Variants in VAX1 observed in about 807,000 individuals in gnomAD.
VAX1 encodes the protein ventral anterior homeobox 1.
Under a neutral mutation model 17.6 loss-of-function variants are expected in VAX1, and 6 were observed. The observed-to-expected ratio is 0.34, with a 90% confidence interval of 0.19 to 0.67. The LOEUF is 0.67. VAX1 is among the 30% of genes least tolerant of loss of function. VAX1 has a pLI of 0.69. For missense variants in VAX1, 408 were observed against 463.7 expected (o/e 0.88, Z 1.10); for synonymous variants, 256 against 227.4 (o/e 1.13, Z -1.13).
At chr10:117,129,788 A>G (rs1270539408), downstream of VAX1, 1 of 152,112 alleles carries the variant, frequency 6.6e-6, no homozygotes, top group African/African-American at 2.4e-5. Flanking sequence ...GTGTAAGACC[A>G]AAGAGTGTAA....
downstream of VAX1, chr10:117,132,113 A>G: frequency 7.7e-7 from 1 of 1,301,670 alleles, no homozygotes; most frequent in Non-Finnish European, 1.1e-6. The surrounding 1 kb of genome is among the most constrained non-coding windows in gnomAD (Gnocchi z 4.9). Context: ...GAAGTGGAAC[A>G]AATCGTCGTA....
rs1354647909 is a variant in VAX1 at position 117,133,665 on chromosome 10, T to G, written c.*343A>C. On this transcript the variant is annotated 3_prime_UTR_variant, in exon 3 of 3. Transcript: ENST00000369206. ...AGCAGCCGCGGATCTAGAGCAAACG[T>G]CCTGTGCTTTGGAGTTAGAACCAGT... 4.9e-6 allele frequency: 5 copies of G among 1,026,358 alleles called. No homozygotes were observed. The highest frequency in any genetic ancestry group is 4.3e-5 in the South Asian group (1 of 23,528). 63.6% of individuals were successfully genotyped at this position (1,026,358 alleles called of 1,614,324 possible). A position where few individuals can be genotyped will look rare whatever the true frequency, so the allele number is the denominator to read the frequency against.
chr10:117,132,551 TA>T, downstream of VAX1: 2 of 1,531,482 alleles, frequency 1.3e-6, no homozygotes, highest in Admixed American at 1.9e-5. This position sits in a 1 kb window ranked among gnomAD's most constrained non-coding sequence, Gnocchi z 4.9. Context: ...ATTACTATTT[TA>T]AAAAAGTGTT....
At position 117,136,950 on chromosome 10, in the gene VAX1, T is replaced by TG. The variant is rs991525399; in HGVS notation, c.242-292dup. On this transcript the variant is annotated intron_variant, in intron 1 of 2. Transcript: ENST00000369206. The surrounding 1 kb of genome is among the most constrained non-coding windows in gnomAD (Gnocchi z 5.0). ...ACATAGGCGGACGTTTCTTCCGGCC[T>TG]GGGGGGGCCTCGGCTGAGCCTTCCG... is the stretch of plus-strand genomic sequence containing the variant. 4.1e-4 allele frequency among the ~76,000 whole-genome samples: 62 copies of TG among 152,176 alleles called. No individual in the cohort carries two copies. Among genetic ancestry groups the TG allele is most frequent in the Admixed American group, 2.4e-3 (36 of 15,290 alleles).
chr10:117,133,047 T>G (rs1854113192), downstream of VAX1, among the ~76,000 whole-genome samples: 1 of 152,234 alleles, frequency 6.6e-6, no homozygotes, highest in Non-Finnish European at 1.5e-5. Context: ...GCTTTGCTCT[T>G]TCCTGGAGGA....
chr10:117,131,635 C>G (rs1020729362), downstream of VAX1: 7 of 152,462 alleles, frequency 4.6e-5, no homozygotes, highest in African/African-American at 1.2e-4. Context: ...GGGGCCGCTG[C>G]CCCCGCAGCG....
downstream of VAX1, chr10:117,132,291 TG>T (rs1243849945): frequency 1.2e-6 from 2 of 1,613,990 alleles, no homozygotes; most frequent in South Asian, 1.1e-5. This position sits in a 1 kb window ranked among gnomAD's most constrained non-coding sequence, Gnocchi z 4.9. Flanking sequence ...TTTCTTCTTT[TG>T]TTTTTTTATC....
At chr10:117,128,843 C>T (rs974805785), downstream of VAX1, 1 of 152,214 alleles carries the variant, frequency 6.6e-6, no homozygotes, top group African/African-American at 2.4e-5. Context: ...TCTCCTCCTC[C>T]TTTCCCCAAA....
At chr10:117,131,141 A>C (rs2133656838), downstream of VAX1, 1 of 153,248 alleles carries the variant, frequency 6.5e-6, no homozygotes, top group Non-Finnish European at 1.5e-5. Context: ...GGAGAAAAAA[A>C]CCAGAAAACC....
intron 2 of VAX1, among the ~76,000 whole-genome samples, chr10:117,135,613 C>T (rs1285495381): frequency 6.6e-6 from 1 of 152,230 alleles, no homozygotes; most frequent in African/African-American, 2.4e-5. Flanking sequence ...AAATGCTCTC[C>T]ACCTGCTTCA....
At position 117,138,110 on chromosome 10, in the gene VAX1, AGG is replaced by A. The variant is rs1443317614; in HGVS notation, c.-56_-55del. The stretch of plus-strand genomic sequence containing the variant: ...GAAAAAAAAAGCAAAAAAAAAAAAA[AGG>A]GGGGGGGGCGGAGAAGGAAAAAAAA... On this transcript the variant is annotated 5_prime_UTR_variant, in exon 1 of 3. Transcript: ENST00000369206. 7 of 123,464 alleles carry A rather than the reference AGG, an allele frequency of 5.7e-5. No homozygotes were observed. The highest frequency in any genetic ancestry group is 9.0e-5 in the South Asian group (2 of 22,286). The allele number at this position is 123,464 out of a possible 1,614,324, so 7.6% of individuals were successfully genotyped here. A position where few individuals can be genotyped will look rare whatever the true frequency, so the allele number is the denominator to read the frequency against.
At position 117,136,532 on chromosome 10, in the gene VAX1, C is replaced by G; in HGVS notation, c.369G>C (p.Gln123His). Residue 123 changes from glutamine to histidine, a missense_variant, in exon 2 of 3, where the codon CAG (glutamine) becomes CAC (histidine). This residue lies in a region of VAX1 where 75 missense variants were observed against 116.1 expected (regional missense o/e 0.65). Coordinates refer to ENST00000369206, the MANE Select transcript of VAX1 (RefSeq NM_001112704.2). This position sits in a 1 kb window ranked among gnomAD's most constrained non-coding sequence, Gnocchi z 5.0. Reference sequence around the variant, plus strand: ...CGGTCCTCTCGCGGCCCACCACGTACTGGCAGCGCTGGAACTCCATCTCCA... The same window carrying G: ...CGGTCCTCTCGCGGCCCACCACGTAGTGGCAGCGCTGGAACTCCATCTCCA... ...YRLEMEFQRC[Q>H]YVVGRERTEL... 1 of 1,613,390 alleles carries G rather than the reference C, an allele frequency of 6.2e-7. No homozygotes were observed. The highest frequency in any genetic ancestry group is 8.5e-7 in the Non-Finnish European group (1 of 1,179,944).
chr10:117,136,991 G>A lies in VAX1; in HGVS notation c.242-332C>T, dbSNP rs1854189783. On this transcript the variant is annotated intron_variant, in intron 1 of 2. Coordinates refer to ENST00000369206, the MANE Select transcript of VAX1 (RefSeq NM_001112704.2). The surrounding 1 kb of genome is among the most constrained non-coding windows in gnomAD (Gnocchi z 5.0). The stretch of plus-strand genomic sequence containing the variant: ...GAGCCTTCCGGGTCCCCTGTAGCCT[G>A]AGGGTACCCTTGTCGCCCCGCCCGG... Among the ~76,000 whole-genome samples the A allele has an allele frequency of 6.6e-6, 1 of 152,188 alleles. No homozygotes were observed. The highest frequency in any genetic ancestry group is 6.5e-5 in the Admixed American group (1 of 15,288).
rs1397235791 is a variant in VAX1 at position 117,136,091 on chromosome 10, G to A, written c.429+381C>T. Among the ~76,000 whole-genome samples the A allele has an allele frequency of 6.6e-6, 1 of 152,238 alleles. No individual in the cohort carries two copies. The highest frequency in any genetic ancestry group is 2.4e-5 in the African/African-American group (1 of 41,468). ...CAGCTGGGTGGGCCCACAAGGGGTG[G>A]GGCCTAGAAATCTAGCCAAAATGGG... On this transcript the variant is annotated intron_variant, in intron 2 of 2. Transcript: ENST00000369206. This position sits in a 1 kb window ranked among gnomAD's most constrained non-coding sequence, Gnocchi z 5.0.
At chr10:117,128,655 T>C (rs906076004), downstream of VAX1, 5 of 152,220 alleles carry the variant, frequency 3.3e-5, no homozygotes, top group African/African-American at 1.2e-4. Flanking sequence ...ATTATTTTCA[T>C]ATTAGCTAGA....
chr10:117,129,647 G>GGGGTGTGTGT (rs139596848), downstream of VAX1: 15 of 146,568 alleles, frequency 1.0e-4, 1 homozygote, highest in South Asian at 1.3e-3. Flanking sequence ...TTCAAGAAGG[G>GGGGTGTGTGT]GTGTGTGTGT....
chr10:117,130,471 CT>C (rs1291511391), downstream of VAX1: 1 of 152,214 alleles, frequency 6.6e-6, no homozygotes, highest in Non-Finnish European at 1.5e-5. Flanking sequence ...TTGGCGGTTG[CT>C]TTGTGCAGGC....
downstream of VAX1, chr10:117,130,848 T>C (rs997884899): frequency 6.6e-6 from 1 of 152,478 alleles, no homozygotes; most frequent in Admixed American, 6.5e-5. Flanking sequence ...GAGCAGAAGT[T>C]ATGAGGTGAC....
At position 117,133,946 on chromosome 10, in the gene VAX1, G is replaced by C. The variant is rs369343832; in HGVS notation, c.*62C>G. ...CAGGAGCTCTGGGCACCTAATGCGC[G>C]TGAGTCCATAAATATCACCACAATA... On this transcript the variant is annotated 3_prime_UTR_variant, in exon 3 of 3. Transcript: ENST00000369206. 218 of 1,452,136 alleles carry C rather than the reference G, an allele frequency of 1.5e-4. 2 individuals are homozygous for C. In the African/African-American group the frequency reaches 2.9e-3, roughly 19 times the overall value. The allele number at this position is 1,452,136 out of a possible 1,614,324, so 90.0% of individuals were successfully genotyped here.
Sources: allele counts gnomAD v4.1 joint callset (sites outside exome capture counted in the v4.1 genomes callset), GRCh38; gene constraint gnomAD v4.1.1; regional missense constraint gnomAD v4.1.1; non-coding constraint Gnocchi (gnomAD v3.1); transcripts MANE v1.5; gene names NCBI Gene and HGNC (gene_info 2026-07-23, HGNC 2026-07-21).